AKAIN1: variants seen among roughly 807,000 people sequenced by gnomAD.
AKAIN1 encodes the protein A-kinase anchor protein inhibitor 1.
In AKAIN1, 3 loss-of-function variants were observed where a neutral mutation model predicts 3.7. That is an observed-to-expected ratio of 0.82 (90% CI 0.37 to 2.12). The LOEUF is 2.12. AKAIN1 is among the 30% of genes most tolerant of loss of function. The pLI is 0.06. For synonymous variants in AKAIN1, 31 were observed against 30.8 expected (o/e 1.01, Z -0.02); for missense variants, 82 against 82.7 (o/e 0.99, Z 0.03).
At chr18:5,164,427 GA>G (rs1292287550) in intron 1 of AKAIN1, among the ~76,000 whole-genome samples, 1 of 152,058 alleles carries the variant, frequency 6.6e-6, no homozygotes, top group Non-Finnish European at 1.5e-5. Context: ...TTTACCAATA[GA>G]ATGCTTCATT....
intron 1 of AKAIN1, among the ~76,000 whole-genome samples, chr18:5,155,606 T>C (rs1035145559): frequency 2.0e-5 from 3 of 152,132 alleles, no homozygotes; most frequent in Non-Finnish European, 2.9e-5. Flanking sequence ...ATGAACCGCG[T>C]CATTCTTCAG....
intron 1 of AKAIN1, among the ~76,000 whole-genome samples, chr18:5,147,435 A>T (rs1328768366): frequency 6.6e-6 from 1 of 152,198 alleles, no homozygotes; most frequent in Admixed American, 6.5e-5. Flanking sequence ...CCTAAATCCC[A>T]CCTATTTATA....
chr18:5,162,349 G>GAGGT (rs2071144174), intron 1 of AKAIN1, among the ~76,000 whole-genome samples: 1 of 152,064 alleles, frequency 6.6e-6, no homozygotes, highest in African/African-American at 2.4e-5. Flanking sequence ...TCTGCTAGAG[G>GAGGT]AGGTAGATAA....
At chr18:5,192,771 G>A (rs1041417944) in intron 1 of AKAIN1, among the ~76,000 whole-genome samples, 2 of 151,978 alleles carry the variant, frequency 1.3e-5, no homozygotes, top group Non-Finnish European at 2.9e-5. Context: ...AGAGATCAGT[G>A]GTCACCAGAG....
intron 1 of AKAIN1, among the ~76,000 whole-genome samples, chr18:5,152,177 T>C (rs2071083978): frequency 6.6e-6 from 1 of 152,244 alleles, no homozygotes. Flanking sequence ...GCCCGCTTAC[T>C]TGATGCTGAA....
chr18:5,164,388 T>C (rs1462014226), intron 1 of AKAIN1, among the ~76,000 whole-genome samples: 2 of 152,058 alleles, frequency 1.3e-5, no homozygotes, highest in African/African-American at 4.8e-5. Flanking sequence ...CACAGGTGGA[T>C]TGAAGATATA....
chr18:5,188,350 G>A (rs1045614722), intron 1 of AKAIN1, among the ~76,000 whole-genome samples: 2 of 152,136 alleles, frequency 1.3e-5, no homozygotes, highest in Admixed American at 6.5e-5. Flanking sequence ...TTCTATGGCA[G>A]CTCCACCCAT....
intron 1 of AKAIN1, among the ~76,000 whole-genome samples, chr18:5,188,571 A>C (rs2071300811): frequency 6.6e-6 from 1 of 151,950 alleles, no homozygotes; most frequent in Non-Finnish European, 1.5e-5. Flanking sequence ...CAGTGAAGCC[A>C]GCAGACTTTA....
chr18:5,173,959 G>A (rs183291665), intron 1 of AKAIN1, among the ~76,000 whole-genome samples: 1 of 152,162 alleles, frequency 6.6e-6, no homozygotes, highest in Non-Finnish European at 1.5e-5. Flanking sequence ...CACTCTTTCT[G>A]GCTTGTGACA....
chr18:5,150,220 T>C (rs2071072708), intron 1 of AKAIN1, among the ~76,000 whole-genome samples: 1 of 152,192 alleles, frequency 6.6e-6, no homozygotes, highest in Non-Finnish European at 1.5e-5. Context: ...GGACAAGATA[T>C]TTGAGAAACT....
At position 5,168,165 on chromosome 18, in the gene AKAIN1, A is replaced by T. The variant is rs562810454; in HGVS notation, c.17-22410T>A. ...TAACAATGTGTGCTTTATTTATCAC[A>T]AATCTTGATGTGAATGAGTAGTCTC... is the stretch of plus-strand genomic sequence containing the variant. On this transcript the variant is annotated intron_variant, in intron 1 of 1. Transcript: ENST00000434239. 2.0e-5 allele frequency among the ~76,000 whole-genome samples: 3 copies of T among 152,236 alleles called. No individual in the cohort carries two copies. The East Asian group carries it at 5.8e-4, about 29-fold the overall frequency.
intron 1 of AKAIN1, among the ~76,000 whole-genome samples, chr18:5,146,714 A>G (rs1250179544): frequency 1.3e-5 from 2 of 152,234 alleles, no homozygotes; most frequent in Non-Finnish European, 2.9e-5. Flanking sequence ...AGAACCAGAT[A>G]GGAGACAGTC....
At chr18:5,187,119 T>C (rs2071292218) in intron 1 of AKAIN1, among the ~76,000 whole-genome samples, 1 of 152,130 alleles carries the variant, frequency 6.6e-6, no homozygotes, top group Middle Eastern at 3.4e-3. Context: ...ATAAGTTTTG[T>C]CTTAAGTCAA....
chr18:5,183,548 A>G (rs2071270715), intron 1 of AKAIN1, among the ~76,000 whole-genome samples: 1 of 151,950 alleles, frequency 6.6e-6, no homozygotes, highest in Non-Finnish European at 1.5e-5. Context: ...AACCACCTTT[A>G]AAACTGTATG....
chr18:5,171,226 TG>T (rs1458284241), intron 1 of AKAIN1, among the ~76,000 whole-genome samples: 4 of 152,178 alleles, frequency 2.6e-5, no homozygotes, highest in Non-Finnish European at 5.9e-5. Flanking sequence ...TTAAACAATA[TG>T]CTATACTTCC....
At chr18:5,193,708 C>G (rs1208422456) in intron 1 of AKAIN1, among the ~76,000 whole-genome samples, 2 of 152,140 alleles carry the variant, frequency 1.3e-5, no homozygotes, top group African/African-American at 4.8e-5. Context: ...CCTTGTTCCT[C>G]ATTGACTTTG....
chr18:5,195,594 T>G (rs1439036479), intron 1 of AKAIN1, among the ~76,000 whole-genome samples: 1 of 152,104 alleles, frequency 6.6e-6, no homozygotes, highest in Non-Finnish European at 1.5e-5. Flanking sequence ...AAAACTCCAT[T>G]AGAGACTAGC....
chr18:5,192,557 T>C (rs1330809777), intron 1 of AKAIN1, among the ~76,000 whole-genome samples: 1 of 152,000 alleles, frequency 6.6e-6, no homozygotes. Context: ...GTGCTGTCTA[T>C]GAGAAAGTGG....
intron 1 of AKAIN1, among the ~76,000 whole-genome samples, chr18:5,178,317 G>A (rs2071237606): frequency 6.6e-6 from 1 of 152,088 alleles, no homozygotes; most frequent in Non-Finnish European, 1.5e-5. Context: ...GGAGGCTGAA[G>A]CAGGAGGATT....
Sources: gnomAD v4.1 joint callset for allele counts (sites outside exome capture counted in the v4.1 genomes callset) on GRCh38, gnomAD v4.1.1 for gene constraint, MANE v1.5 for transcripts, NCBI Gene and HGNC (gene_info 2026-07-23, HGNC 2026-07-21) for gene names.